Variants in TOGARAM2 observed in about 807,000 individuals in gnomAD.
The protein encoded by TOGARAM2 is TOG array regulator of axonemal microtubules protein 2.
In TOGARAM2, 85 loss-of-function variants were observed where a neutral mutation model predicts 93.3. That is an observed-to-expected ratio of 0.91 (90% confidence interval 0.76 to 1.09). The LOEUF is 1.09. Ranked by LOEUF, TOGARAM2 falls within the 50% of genes least tolerant of loss-of-function variation. TOGARAM2 has a pLI of 0.00. For synonymous variants in TOGARAM2, 593 were observed against 552.8 expected (o/e 1.07, Z -1.02); for missense variants, 1,277 against 1,334.5 (o/e 0.96, Z 0.67).
At chr2:29,036,478 G>A in intron 17 of TOGARAM2, 63 bp from the exon 18 acceptor site, 2 of 1,539,772 alleles carry the variant, frequency 1.3e-6, no homozygotes, top group Non-Finnish European at 1.8e-6. Context: ...CAAGCTGCCT[G>A]CACTGTGGGA....
intron 18 of TOGARAM2, among the ~76,000 whole-genome samples, chr2:29,039,276 A>G (rs1175565482): frequency 6.6e-6 from 1 of 152,208 alleles, no homozygotes; most frequent in Non-Finnish European, 1.5e-5. Context: ...TTCATGCTCC[A>G]TAAGAAATTC....
At chr2:28,979,973 T>C (rs76060317), upstream of TOGARAM2, among the ~76,000 whole-genome samples, 162 of 152,300 alleles carry the variant, frequency 1.1e-3, 1 homozygote, top group African/African-American at 3.8e-3. Context: ...GTTGAGTCGC[T>C]CTCACTCACA....
At chr2:28,997,615 T>G (rs1673058221) in intron 2 of TOGARAM2, among the ~76,000 whole-genome samples, 2 of 152,228 alleles carry the variant, frequency 1.3e-5, no homozygotes, top group Admixed American at 6.5e-5. Flanking sequence ...GGAAGATCAG[T>G]GTAGGACATG....
chr2:29,029,754 T>TAAAA (rs764355917), intron 14 of TOGARAM2, among the ~76,000 whole-genome samples: 1 of 127,124 alleles, frequency 7.9e-6, no homozygotes, highest in Non-Finnish European at 1.7e-5. Context: ...AGGCTCTGTC[T>TAAAA]AAAAAAAAAA....
chr2:28,985,906 C>G (rs954949405), intron 1 of TOGARAM2, among the ~76,000 whole-genome samples: 82 of 152,150 alleles, frequency 5.4e-4, no homozygotes, highest in African/African-American at 1.9e-3. Context: ...GAGTTCGAGA[C>G]CAGCCTGGCC....
intron 1 of TOGARAM2, among the ~76,000 whole-genome samples, chr2:28,987,233 T>C (rs1174702211): frequency 1.3e-5 from 2 of 152,248 alleles, no homozygotes; most frequent in Non-Finnish European, 2.9e-5. Flanking sequence ...AAAATGGAAC[T>C]AAGAAATGTT....
intron 1 of TOGARAM2, among the ~76,000 whole-genome samples, chr2:28,973,716 C>T (rs1294124496): frequency 6.6e-6 from 1 of 151,974 alleles, no homozygotes; most frequent in Non-Finnish European, 1.5e-5. Context: ...TTGTAGAGCT[C>T]AGAGTCTCAT....
At chr2:29,011,811 G>C (rs569900542) in intron 7 of TOGARAM2, among the ~76,000 whole-genome samples, 2 of 152,216 alleles carry the variant, frequency 1.3e-5, no homozygotes, top group Non-Finnish European at 2.9e-5. Flanking sequence ...TGACAGACGA[G>C]CTGGCACACG....
At chr2:29,044,083 G>A (rs943683891) in intron 18 of TOGARAM2, among the ~76,000 whole-genome samples, 1 of 152,196 alleles carries the variant, frequency 6.6e-6, no homozygotes, top group Non-Finnish European at 1.5e-5. Context: ...AGATACAAAT[G>A]GGGTGGTGCT....
At position 29,022,213 on chromosome 2, in the gene TOGARAM2, G is replaced by A. The variant is rs1344054589; in HGVS notation, c.1416G>A (p.Glu472=). Residue 472 remains glutamate (E), a synonymous_variant, in exon 11 of 20, where the codon GAG becomes GAA. Transcript: ENST00000379558. The stretch of plus-strand genomic sequence containing the variant: ...GGTCTCCTGAATGGGAAGAAGAGGA[G>A]GAGATGGATCTTAGAGCCTGTAAGG... The part of the protein sequence containing the change: ...TLGSPEWEEE[E]EMDLRACKEL... The A allele has an allele frequency of 1.9e-6, 3 of 1,614,072 alleles. No individual in the cohort carries two copies. Among genetic ancestry groups the A allele is most frequent in the East Asian group, 2.2e-5 (1 of 44,882 alleles).
upstream of TOGARAM2, among the ~76,000 whole-genome samples, chr2:28,979,395 A>G (rs898498678): frequency 1.3e-5 from 2 of 152,188 alleles, no homozygotes; most frequent in South Asian, 2.1e-4. Flanking sequence ...AGGCATATGA[A>G]AGAACCAAGA....
chr2:29,022,412 C>T (rs751424386), intron 11 of TOGARAM2, 104 bp downstream of exon 11: 14 of 1,492,152 alleles, frequency 9.4e-6, no homozygotes, highest in African/African-American at 2.8e-5. Context: ...TCTGGGGTTC[C>T]AGCACCATGG....
In TOGARAM2 at chr2:28,994,825, C is replaced by T. The variant is rs758337137; in HGVS notation, c.-10C>T. On this transcript the variant is annotated 5_prime_UTR_variant, in exon 2 of 20. Coordinates refer to ENST00000379558, the MANE Select transcript of TOGARAM2 (RefSeq NM_199280.4). Reference sequence around the variant, plus strand: ...TGGGCAACCTTGTAGGCACCTTCTCCACCCAGGACATGGGCACCCGTGACG... The same window carrying T: ...TGGGCAACCTTGTAGGCACCTTCTCTACCCAGGACATGGGCACCCGTGACG... 1.9e-6 allele frequency: 3 copies of T among 1,552,236 alleles called. No individual in the cohort carries two copies. The highest frequency in any genetic ancestry group is 2.6e-6 in the Non-Finnish European group (3 of 1,147,246).
chr2:28,976,612 G>C (rs1672041497), upstream of TOGARAM2, among the ~76,000 whole-genome samples: 1 of 152,160 alleles, frequency 6.6e-6, no homozygotes, highest in South Asian at 2.1e-4. Context: ...GAGAAGCCCT[G>C]AAGGGCAGCT....
chr2:29,004,949 TGTG>T (rs1223152302), intron 6 of TOGARAM2, among the ~76,000 whole-genome samples: 1,566 of 136,224 alleles, frequency 0.011, 24 homozygotes, highest in Non-Finnish European at 0.02. Context: ...TGTGCATGTG[TGTG>T]CATGTGTATG....
intron 1 of TOGARAM2, among the ~76,000 whole-genome samples, chr2:28,963,455 G>A (rs1451653350): frequency 5.9e-5 from 9 of 152,140 alleles, no homozygotes; most frequent in Non-Finnish European, 1.3e-4. Flanking sequence ...GTTCACTGCA[G>A]CCTCCAACTT....
intron 6 of TOGARAM2, among the ~76,000 whole-genome samples, chr2:29,006,135 G>GTA (rs1663794206): frequency 7.0e-6 from 1 of 142,184 alleles, no homozygotes; most frequent in African/African-American, 2.6e-5. Flanking sequence ...GCATGTGTGT[G>GTA]AGAGCATGCA....
chr2:28,986,094 CAG>C (rs1375220394), intron 1 of TOGARAM2, among the ~76,000 whole-genome samples: 4 of 126,156 alleles, frequency 3.2e-5, no homozygotes, highest in Non-Finnish European at 6.4e-5. Context: ...GCCTGGCCGA[CAG>C]AGTGAAACTG....
intron 1 of TOGARAM2, among the ~76,000 whole-genome samples, chr2:28,982,167 G>A (rs1470356241): frequency 6.6e-6 from 1 of 152,220 alleles, no homozygotes; most frequent in African/African-American, 2.4e-5. Context: ...CAGCTGGCAC[G>A]TTAGCCCATG....
Sources: allele counts gnomAD v4.1 joint callset (sites outside exome capture counted in the v4.1 genomes callset), GRCh38; gene constraint gnomAD v4.1.1; transcripts MANE v1.5; gene names NCBI Gene and HGNC (gene_info 2026-07-23, HGNC 2026-07-21).